The following MIS18A variants were observed in gnomAD, a reference collection of about 807,000 sequenced individuals.
MIS18A encodes the protein MIS18 kinetochore protein A, also known as protein Mis18-alpha.
In MIS18A, 14 loss-of-function variants were observed where a neutral mutation model predicts 25.0. The ratio of observed to expected loss-of-function variants is 0.56; its 90% CI spans 0.37 to 0.88. The LOEUF is 0.88. Ranked by LOEUF, MIS18A falls within the 40% of genes least tolerant of loss-of-function variation. MIS18A has a pLI of 0.00. For synonymous variants in MIS18A, 134 were observed against 118.6 expected, an observed-to-expected ratio of 1.13 and a Z score of -0.84; for missense variants, 292 against 290.8, an observed-to-expected ratio of 1.00 and a Z score of -0.03.
chr21:32,192,345 G>A, the MIS18A span, among the ~76,000 whole-genome samples: 7 of 152,252 alleles, frequency 4.6e-5, no homozygotes, highest in Admixed American at 3.3e-4. Flanking sequence ...GGGTCTCCTC[G>A]CGTGGCTGCG....
At chr21:32,266,722 C>A (rs569876687), downstream of MIS18A, among the ~76,000 whole-genome samples, 3 of 152,068 alleles carry the variant, frequency 2.0e-5, no homozygotes, top group South Asian at 6.3e-4. Context: ...AGACTCCAGA[C>A]GCGCCACCTT....
chr21:32,226,107 A>G, the MIS18A span, among the ~76,000 whole-genome samples: 2 of 127,982 alleles, frequency 1.6e-5, no homozygotes, highest in Non-Finnish European at 3.2e-5. Context: ...ATGAAGGGGA[A>G]TATCACACTC....
the MIS18A span, among the ~76,000 whole-genome samples, chr21:32,162,331 G>A: frequency 6.6e-6 from 1 of 152,176 alleles, no homozygotes. Flanking sequence ...GGCATGGGAA[G>A]CCCCTGGCCA....
At chr21:32,257,488 T>A in the MIS18A span, among the ~76,000 whole-genome samples, 47 of 152,340 alleles carry the variant, frequency 3.1e-4, 1 homozygote, top group Admixed American at 1.4e-3. Context: ...TTTGTGGTCT[T>A]GGTTCTCTAA....
At chr21:32,226,275 T>C in the MIS18A span, among the ~76,000 whole-genome samples, 1 of 120,528 alleles carries the variant, frequency 8.3e-6, no homozygotes, top group Admixed American at 8.2e-5. Flanking sequence ...AAACTTAAAG[T>C]ATAATAAAAA....
the MIS18A span, among the ~76,000 whole-genome samples, chr21:32,249,411 G>A: frequency 6.6e-6 from 1 of 152,152 alleles, no homozygotes; most frequent in South Asian, 2.1e-4. Context: ...TGCCGCGCAG[G>A]CACTCATCCA....
At chr21:32,259,980 C>T in the MIS18A span, 1 of 152,036 alleles carries the variant, frequency 6.6e-6, no homozygotes, top group African/African-American at 2.4e-5. Context: ...TATGCTAGCC[C>T]CACAGCACCA....
the MIS18A span, among the ~76,000 whole-genome samples, chr21:32,165,633 G>GA: frequency 3.3e-5 from 5 of 150,682 alleles, no homozygotes; most frequent in South Asian, 2.1e-4. Flanking sequence ...AAAGGGAAAG[G>GA]AAAAAAAAGA....
At chr21:32,270,653 T>C (rs2031697618) in intron 2 of MIS18A, 124 bp from the exon 3 acceptor site, 7 of 989,444 alleles carry the variant, frequency 7.1e-6, no homozygotes, top group Non-Finnish European at 9.4e-6. Flanking sequence ...CACTAGGTCA[T>C]ACATAAAGGA....
chr21:32,213,268 G>A, the MIS18A span, among the ~76,000 whole-genome samples: 21 of 152,202 alleles, frequency 1.4e-4, no homozygotes, highest in Middle Eastern at 3.4e-3. Flanking sequence ...CCAAATGTCC[G>A]TCACTAAATG....
the MIS18A span, among the ~76,000 whole-genome samples, chr21:32,161,765 T>C: frequency 6.6e-6 from 1 of 150,738 alleles, no homozygotes; most frequent in Non-Finnish European, 1.5e-5. Context: ...GTGCTGGGAT[T>C]ACAGGCATGA....
At chr21:32,276,455 T>A (rs9977661) in intron 1 of MIS18A, among the ~76,000 whole-genome samples, 80 of 119,180 alleles carry the variant, frequency 6.7e-4, no homozygotes, top group South Asian at 1.2e-3. Flanking sequence ...AGTGAGACTC[T>A]GTCTCAAAAA....
the MIS18A span, among the ~76,000 whole-genome samples, chr21:32,237,096 A>G: frequency 6.9e-6 from 1 of 145,936 alleles, no homozygotes; most frequent in Admixed American, 7.1e-5. Context: ...TCAGCCAATG[A>G]GATGTGGGCA....
chr21:32,193,749 T>A, the MIS18A span, among the ~76,000 whole-genome samples: 1 of 151,970 alleles, frequency 6.6e-6, no homozygotes, highest in Non-Finnish European at 1.5e-5. Context: ...AGATTTGTCA[T>A]GCTTTGGTTT....
chr21:32,232,249 C>G, the MIS18A span, among the ~76,000 whole-genome samples: 1 of 151,626 alleles, frequency 6.6e-6, no homozygotes, highest in Non-Finnish European at 1.5e-5. Flanking sequence ...ATAGATATAT[C>G]TAGATATATA....
the MIS18A span, among the ~76,000 whole-genome samples, chr21:32,183,468 A>G: frequency 2.0e-5 from 3 of 152,230 alleles, no homozygotes; most frequent in Non-Finnish European, 4.4e-5. Flanking sequence ...TATAATATGT[A>G]ATGATTCATT....
At chr21:32,169,841 C>A in the MIS18A span, among the ~76,000 whole-genome samples, 1 of 152,058 alleles carries the variant, frequency 6.6e-6, no homozygotes, top group African/African-American at 2.4e-5. Context: ...CCAGGAAAGT[C>A]ACTAGAAAAA....
At chr21:32,198,651 A>C in the MIS18A span, among the ~76,000 whole-genome samples, 36,389 of 152,224 alleles carry the variant, frequency 0.24, 4,445 homozygotes, top group South Asian at 0.29. Context: ...GCTGTCCCTG[A>C]GGAGGCCCTG....
the MIS18A span, among the ~76,000 whole-genome samples, chr21:32,179,194 C>T: frequency 6.6e-6 from 1 of 151,974 alleles, no homozygotes; most frequent in Admixed American, 6.6e-5. Context: ...GATTTCAGTT[C>T]CCAACCCACA....
Sources: allele counts gnomAD v4.1 joint callset (sites outside exome capture counted in the v4.1 genomes callset), GRCh38; gene constraint gnomAD v4.1.1; transcripts MANE v1.5; gene names NCBI Gene and HGNC (gene_info 2026-07-23, HGNC 2026-07-21).